Variants in LACC1 observed in about 807,000 individuals in gnomAD.
LACC1 encodes laccase domain multifunctional purine nucleosidase 1, also known as purine nucleoside phosphorylase LACC1.
In LACC1, 25 loss-of-function variants were observed where a neutral mutation model predicts 34.8. That is an observed-to-expected ratio of 0.72 (90% CI 0.52 to 1.00). The LOEUF (loss-of-function observed/expected upper bound fraction) is 1.00. Ranked by LOEUF, LACC1 falls within the 50% of genes least tolerant of loss-of-function variation. The probability of loss-of-function intolerance (pLI) is 0.00; values close to 1 mark genes in which losing one functional copy is unlikely to be tolerated. For synonymous variants in LACC1, 162 were observed against 168.0 expected, an observed-to-expected ratio of 0.96 and a Z score of 0.28; for missense variants, 426 against 511.2, an observed-to-expected ratio of 0.83 and a Z score of 1.61.
At chr13:43,883,717 T>C (rs998301626) in intron 3 of LACC1, 54 bp from the exon 4 acceptor site, 27 of 1,378,410 alleles carry the variant, frequency 2.0e-5, no homozygotes, top group Non-Finnish European at 2.6e-5. Flanking sequence ...AGAAAGCTTA[T>C]GGTATAAGAA....
chr13:43,882,564 G>GATATATATATATATT (rs1955122323), intron 3 of LACC1, among the ~76,000 whole-genome samples: 1 of 139,116 alleles, frequency 7.2e-6, no homozygotes, highest in Non-Finnish European at 1.5e-5. Context: ...CACACGTGCA[G>GATATATATATATATT]ATATATATAT....
chr13:43,888,075 G>A (rs1012081840), intron 4 of LACC1, among the ~76,000 whole-genome samples: 2 of 152,118 alleles, frequency 1.3e-5, no homozygotes, highest in Non-Finnish European at 2.9e-5. Flanking sequence ...GAATGGATAA[G>A]CAAAATGTGT....
intron 3 of LACC1, among the ~76,000 whole-genome samples, chr13:43,883,047 G>A (rs771367347): frequency 8.5e-5 from 13 of 152,120 alleles, no homozygotes; most frequent in Admixed American, 6.5e-5. Context: ...GGAGGAAGCT[G>A]GAGTACCCAG....
At chr13:43,886,855 A>G (rs550743601) in intron 4 of LACC1, among the ~76,000 whole-genome samples, 3 of 152,156 alleles carry the variant, frequency 2.0e-5, no homozygotes, top group Non-Finnish European at 4.4e-5. Context: ...CTTCTATGGG[A>G]CTAATTTAAT....
upstream of LACC1, chr13:43,879,817 G>GCGGGGCGGGGCGAGGC (rs878998840): frequency 2.2e-5 from 1 of 46,262 alleles, no homozygotes; most frequent in Admixed American, 1.9e-4. Context: ...GCGGGGCGAG[G>GCGGGGCGGGGCGAGGC]TGGGCGAGGT....
At chr13:43,884,849 A>G (rs956199003) in intron 4 of LACC1, among the ~76,000 whole-genome samples, 2 of 152,198 alleles carry the variant, frequency 1.3e-5, no homozygotes, top group African/African-American at 4.8e-5. Context: ...TGACATTGTC[A>G]AAAAGTTATT....
At chr13:43,889,365 C>G (rs868100127) in intron 5 of LACC1, among the ~76,000 whole-genome samples, 8 of 152,168 alleles carry the variant, frequency 5.3e-5, no homozygotes, top group African/African-American at 1.7e-4. Flanking sequence ...TTCTTATTAT[C>G]TAATTAACTA....
At chr13:43,882,135 C>T in intron 2 of LACC1, 50 bp from the exon 3 acceptor site, 1 of 1,424,546 alleles carries the variant, frequency 7.0e-7, no homozygotes, top group Non-Finnish European at 9.6e-7. Flanking sequence ...AATTGAGAGA[C>T]TGGTATTTTG....
At position 43,888,888 on chromosome 13, in the gene LACC1, A is replaced by C; in HGVS notation, c.1039A>C (p.Arg347=). The change falls in exon 5 of 7, where the codon AGG becomes CGG. Residue 347 remains arginine (R), a synonymous_variant. Transcript: ENST00000325686. The part of the protein sequence containing the change: ...SVGPCCFTLP[R]ESAEAFHNLH... ...AGGACCTTGCTGTTTTACTCTTCCA[A>C]GGGAATCAGCAGAGGCATTTCATAA... 6.2e-7 allele frequency: 1 copy of C among 1,613,926 alleles called. No homozygotes were observed. Among genetic ancestry groups the C allele is most frequent in the Non-Finnish European group, 8.5e-7 (1 of 1,179,854 alleles).
chr13:43,881,139 T>C lies in LACC1; in HGVS notation c.154T>C (p.Tyr52His), dbSNP rs1209104308. 3.7e-6 allele frequency: 6 copies of C among 1,614,054 alleles called. No homozygotes were observed. In the African/African-American group the frequency reaches 8.0e-5, roughly 22 times the overall value. Residue 52 changes from tyrosine to histidine, a missense_variant, in exon 2 of 7, where the codon TAT becomes CAT. Coordinates refer to ENST00000325686, the MANE Select transcript of LACC1 (RefSeq NM_153218.4). ...TATAATGTGTTGCAGTAACATCAGCTATGAAAGGGATGGAGAACAAGATAA... is the reference window on the plus strand; with the variant it reads ...TATAATGTGTTGCAGTAACATCAGCCATGAAAGGGATGGAGAACAAGATAA... ...LCIMCCSNIS[Y>H]ERDGEQDNCE...
In LACC1 at chr13:43,881,098, A is replaced by G. The variant is rs760157069; in HGVS notation, c.113A>G (p.Lys38Arg). The change falls in exon 2 of 7, where the codon AAG (lysine) becomes AGG (arginine). Residue 38 changes from lysine to arginine, a missense_variant. Physicochemically the swap from Lys to Arg is conservative, Grantham distance 26. Coordinates refer to ENST00000325686, the MANE Select transcript of LACC1 (RefSeq NM_153218.4). Reference sequence around the variant, plus strand: ...GCTGTCCAATACCACCATGCTGCCAAGGCCAAGTTTCTCTGTATAATGTGT... The same window carrying G: ...GCTGTCCAATACCACCATGCTGCCAGGGCCAAGTTTCTCTGTATAATGTGT... ...LNAVQYHHAA[K>R]AKFLCIMCCS... 18 of 1,614,104 alleles carry G rather than the reference A, an allele frequency of 1.1e-5. No homozygotes were observed. In the East Asian group the frequency reaches 3.6e-4, roughly 32 times the overall value.
chr13:43,884,022 A>T, intron 4 of LACC1, 86 bp downstream of exon 4: 1 of 1,069,150 alleles, frequency 9.4e-7, no homozygotes, highest in Non-Finnish European at 1.4e-6. Context: ...GACATGGCAA[A>T]CAGTTAATTA....
chr13:43,880,282 T>A (rs939808629), intron 1 of LACC1, among the ~76,000 whole-genome samples, 163 bp downstream of exon 1: 2 of 148,686 alleles, frequency 1.3e-5, no homozygotes, highest in African/African-American at 2.5e-5. Context: ...GAAAACCTTC[T>A]TGGGGCAAAG....
rs766247729 is a variant in LACC1, at chr13:43,890,151, A to G, written c.1171A>G (p.Ile391Val). Residue 391 changes from isoleucine (I) to valine (V), a missense_variant, in exon 6 of 7, where the codon ATT (isoleucine) becomes GTT (valine). By Grantham distance (29) the Ile-to-Val change is conservative (BLOSUM62 3). Coordinates refer to ENST00000325686, the MANE Select transcript of LACC1 (RefSeq NM_153218.4). ...ACAGGGAGGAATTCTTCCACAGAAT[A>G]TTCAGGACCAGAACCAAGATCTCAA... is the stretch of plus-strand genomic sequence containing the variant. ...LEQGGILPQN[I>V]QDQNQDLNLC... 1.4e-5 allele frequency: 23 copies of G among 1,613,382 alleles called. No homozygotes were observed. Among genetic ancestry groups the G allele is most frequent in the Non-Finnish European group, 1.9e-5 (23 of 1,179,688 alleles).
intron 6 of LACC1, among the ~76,000 whole-genome samples, 191 bp from the exon 7 acceptor site, chr13:43,891,258 G>A (rs1319617218): frequency 1.3e-5 from 2 of 152,182 alleles, no homozygotes; most frequent in African/African-American, 2.4e-5. Flanking sequence ...CACTGATTTA[G>A]CACTGCCCCT....
intron 4 of LACC1, among the ~76,000 whole-genome samples, chr13:43,886,887 G>A (rs1955358135): frequency 1.3e-5 from 2 of 152,124 alleles, no homozygotes; most frequent in South Asian, 4.1e-4. Context: ...AACTAGATAT[G>A]TATATATAGA....
chr13:43,889,042 T>G, intron 5 of LACC1, 60 bp downstream of exon 5: 1 of 1,393,000 alleles, frequency 7.2e-7, no homozygotes, highest in South Asian at 1.2e-5. Flanking sequence ...AAAATGAAAT[T>G]TATTTTGGAG....
Position 43,880,998 on chromosome 13 carries a change from G to T in LACC1, c.13G>T (p.Val5Phe), listed in dbSNP as rs1462532910. Residue 5 changes from valine (V) to phenylalanine (F), a missense_variant, in exon 2 of 7, where the codon GTT becomes TTT. Transcript: ENST00000325686. ...TATTCTTTCAAGGATGGCAGAAGCT[G>T]TTTTGATTGATCTTTTTGGTTTGAA... MAEA[V>F]LIDLFGLKLN... The T allele has an allele frequency of 6.2e-7, 1 of 1,612,858 alleles. No individual in the cohort carries two copies. Among genetic ancestry groups the T allele is most frequent in the Non-Finnish European group, 8.5e-7 (1 of 1,179,182 alleles).
At chr13:43,888,569 A>G (rs1385571654) in intron 4 of LACC1, among the ~76,000 whole-genome samples, 188 bp from the exon 5 acceptor site, 2 of 152,258 alleles carry the variant, frequency 1.3e-5, no homozygotes, top group South Asian at 2.1e-4. Context: ...CTCCCATTAC[A>G]TGTCTCTTCT....
Sources: gnomAD v4.1 joint callset for allele counts (sites outside exome capture counted in the v4.1 genomes callset) on GRCh38, gnomAD v4.1.1 for gene constraint, MANE v1.5 for transcripts, NCBI Gene and HGNC (gene_info 2026-07-23, HGNC 2026-07-21) for gene names.